Variants in TAOK3 observed in about 807,000 individuals in gnomAD.
TAOK3 encodes the protein TAO kinase 3, also known as serine/threonine-protein kinase TAO3.
A neutral mutation model predicts 120.4 loss-of-function variants in TAOK3; 40 were observed. The ratio of observed to expected loss-of-function variants is 0.33; its 90% CI spans 0.26 to 0.43. The LOEUF (loss-of-function observed/expected upper bound fraction) is 0.43, where lower values mean the gene tolerates loss of function less well. Ranked by LOEUF, TAOK3 falls within the 20% of genes least tolerant of loss-of-function variation. TAOK3 has a pLI of 1.00. For missense variants in TAOK3, 821 were observed against 1,112.1 expected, an observed-to-expected ratio of 0.74 and a Z score of 3.72; for synonymous variants, 355 against 387.5, an observed-to-expected ratio of 0.92 and a Z score of 0.99.
intron 17 of TAOK3, among the ~76,000 whole-genome samples, chr12:118,171,025 TA>T (rs2035966373): frequency 6.6e-6 from 1 of 152,232 alleles, no homozygotes; most frequent in Non-Finnish European, 1.5e-5. Flanking sequence ...AGATCATTTA[TA>T]AAGTTTTCTC....
Position 118,177,508 on chromosome 12 carries a change from AAAC to A in TAOK3, c.1567-182_1567-180del, listed in dbSNP as rs1181239075. ...GTATCTTAAAGAAACACAAAAAAAAAAACACCAGAAATTTTCACCATTAATAAA... is the reference window on the plus strand; with the variant it reads ...GTATCTTAAAGAAACACAAAAAAAAAACCAGAAATTTTCACCATTAATAAA... On this transcript the variant is annotated intron_variant, in intron 15 of 20. Transcript: ENST00000392533. Among the ~76,000 whole-genome samples the A allele has an allele frequency of 7.2e-5, 11 of 152,108 alleles. No individual in the cohort carries two copies. In the East Asian group the frequency reaches 2.1e-3, roughly 29 times the overall value.
rs924257718 is a variant in TAOK3, at chr12:118,346,466, T to C, written c.-194+26182A>G. 5.3e-5 allele frequency among the ~76,000 whole-genome samples: 8 copies of C among 152,342 alleles called. No individual in the cohort carries two copies. The South Asian group carries it at 1.2e-3, about 24-fold the overall frequency. ...ATACTACTAATAAATTTCTATTCTA[T>C]AGAAAATACAAAATATTGTTTTGGG... On this transcript the variant is annotated intron_variant, in intron 1 of 20. Transcript: ENST00000392533.
At chr12:118,227,076 TTAAGAAAAAACTTGG>T (rs1294448979) in intron 9 of TAOK3, among the ~76,000 whole-genome samples, 3 of 152,030 alleles carry the variant, frequency 2.0e-5, no homozygotes, top group East Asian at 1.9e-4. Context: ...AAAAAACTTG[TTAAGAAAAAACTTGG>T]TAAGAAAAAA....
chr12:118,262,965 C>T (rs1240807936), intron 2 of TAOK3, among the ~76,000 whole-genome samples: 1 of 151,938 alleles, frequency 6.6e-6, no homozygotes, highest in Non-Finnish European at 1.5e-5. Flanking sequence ...TCAGAAGACT[C>T]AACATTTTTT....
chr12:118,150,404 A>C lies in TAOK3; in HGVS notation c.*593T>G, dbSNP rs1237324858. On this transcript the variant is annotated 3_prime_UTR_variant, in exon 21 of 21. Coordinates refer to ENST00000392533, the MANE Select transcript of TAOK3 (RefSeq NM_016281.4). ...ACCCCCCGTCCCCAAAAAAGTAATA[A>C]TATGTCACCACTGATATGTACATCA... 1 of 151,672 alleles carries C rather than the reference A, an allele frequency of 6.6e-6. No homozygotes were observed. Among genetic ancestry groups the C allele is most frequent in the African/African-American group, 2.4e-5 (1 of 41,078 alleles). 9.4% of individuals were successfully genotyped at this position (151,672 alleles called of 1,614,324 possible). A position where few individuals can be genotyped will look rare whatever the true frequency, so the allele number is the denominator to read the frequency against.
intron 2 of TAOK3, among the ~76,000 whole-genome samples, chr12:118,264,397 C>T (rs1417912357): frequency 6.6e-6 from 1 of 152,122 alleles, no homozygotes; most frequent in Non-Finnish European, 1.5e-5. Flanking sequence ...AAATAAACTA[C>T]AGATATACAC....
intron 17 of TAOK3, among the ~76,000 whole-genome samples, chr12:118,166,469 C>T (rs552666364): frequency 1.3e-5 from 2 of 149,570 alleles, no homozygotes; most frequent in Non-Finnish European, 1.5e-5. Flanking sequence ...ACTCGGGAGG[C>T]GGAGGTTGCA....
At chr12:118,152,972 T>G (rs1433665249) in intron 19 of TAOK3, among the ~76,000 whole-genome samples, 2 of 152,242 alleles carry the variant, frequency 1.3e-5, no homozygotes, top group African/African-American at 4.8e-5. Context: ...TTAGATATGC[T>G]TAGCTCTAAA....
chr12:118,256,987 T>C (rs2041014888), intron 2 of TAOK3, among the ~76,000 whole-genome samples: 1 of 152,234 alleles, frequency 6.6e-6, no homozygotes, highest in Non-Finnish European at 1.5e-5. Flanking sequence ...TATTTATTAA[T>C]CGATACTATG....
At chr12:118,155,243 G>A (rs1430577294) in intron 19 of TAOK3, among the ~76,000 whole-genome samples, 3 of 152,086 alleles carry the variant, frequency 2.0e-5, no homozygotes, top group African/African-American at 2.4e-5. Flanking sequence ...TGATCCACCC[G>A]CCTCAGCCTC....
At chr12:118,243,063 T>C (rs2040324324) in intron 5 of TAOK3, among the ~76,000 whole-genome samples, 1 of 151,834 alleles carries the variant, frequency 6.6e-6, no homozygotes, top group African/African-American at 2.4e-5. Flanking sequence ...ATTCCAAATA[T>C]GGGGGGAACT....
chr12:118,320,957 T>C (rs2043677938), intron 1 of TAOK3, among the ~76,000 whole-genome samples: 1 of 152,182 alleles, frequency 6.6e-6, no homozygotes, highest in Non-Finnish European at 1.5e-5. Flanking sequence ...AGCAGATCTA[T>C]AGGAAGGAAG....
rs772244639 is a variant in TAOK3 at position 118,199,120 on chromosome 12, A to C, written c.1125T>G (p.Ser375Arg). Residue 375 changes from serine (S) to arginine (R), a missense_variant, in exon 13 of 21, where the codon AGT (serine) becomes AGG (arginine). Transcript: ENST00000392533. Reference protein sequence around the residue: ...NSMQEVMDESSSELVMMHDDE... With the variant: ...NSMQEVMDESRSELVMMHDDE... ...CATCGTGCATCATGACAAGTTCGGAACTGCTCTCGTCCATGACTTCCTGCA... is the reference window on the plus strand; with the variant it reads ...CATCGTGCATCATGACAAGTTCGGACCTGCTCTCGTCCATGACTTCCTGCA... The C allele has an allele frequency of 1.2e-6, 2 of 1,614,176 alleles. No individual in the cohort carries two copies. The highest frequency in any genetic ancestry group is 1.6e-4 in the Middle Eastern group (1 of 6,062).
At chr12:118,234,490 C>T (rs932034723) in intron 8 of TAOK3, among the ~76,000 whole-genome samples, 5 of 152,094 alleles carry the variant, frequency 3.3e-5, no homozygotes, top group East Asian at 1.9e-4. Context: ...GTGATCCACC[C>T]GCCTCGGACT....
intron 16 of TAOK3, among the ~76,000 whole-genome samples, chr12:118,173,788 A>C (rs1565894753): frequency 6.6e-6 from 1 of 152,058 alleles, no homozygotes; most frequent in African/African-American, 2.4e-5. Flanking sequence ...AGTACAGTAT[A>C]CTCTTCTTTC....
At chr12:118,172,934 C>A (rs2036097152) in intron 16 of TAOK3, among the ~76,000 whole-genome samples, 1 of 152,138 alleles carries the variant, frequency 6.6e-6, no homozygotes, top group South Asian at 2.1e-4. Context: ...AAGCTCCTAT[C>A]ATGTGACAGG....
chr12:118,290,227 C>T (rs942644921), intron 1 of TAOK3, among the ~76,000 whole-genome samples: 8 of 152,138 alleles, frequency 5.3e-5, no homozygotes, highest in African/African-American at 1.9e-4. Context: ...AAATCCTCTG[C>T]GATCTGCTCC....
rs192284309 is a variant in TAOK3, at chr12:118,165,603, G to A, written c.1900-3576C>T. Among the ~76,000 whole-genome samples the A allele has an allele frequency of 9.8e-5, 15 of 152,360 alleles. No homozygotes were observed. In the South Asian group the frequency reaches 2.1e-3, roughly 21 times the overall value. ...AAAGTTTGAGAATCAATGGAAAAGT[G>A]CTAAGGGTGTGAGTCAGTTTCAGCT... On this transcript the variant is annotated intron_variant, in intron 17 of 20. Transcript: ENST00000392533.
At chr12:118,312,130 T>C (rs1035133020) in intron 1 of TAOK3, among the ~76,000 whole-genome samples, 1 of 152,094 alleles carries the variant, frequency 6.6e-6, no homozygotes, top group Non-Finnish European at 1.5e-5. Flanking sequence ...AATAGAAATA[T>C]AATTGTAAAT....
Sources: allele counts gnomAD v4.1 joint callset (sites outside exome capture counted in the v4.1 genomes callset), GRCh38; gene constraint gnomAD v4.1.1; transcripts MANE v1.5; gene names NCBI Gene and HGNC (gene_info 2026-07-23, HGNC 2026-07-21).